The following TNN variants were observed in gnomAD, a reference collection of about 807,000 sequenced individuals.
TNN encodes the protein tenascin-N.
A neutral mutation model predicts 134.4 loss-of-function variants in TNN; 122 were observed. The ratio of observed to expected loss-of-function variants is 0.91; its 90% CI spans 0.78 to 1.06. The LOEUF (loss-of-function observed/expected upper bound fraction) is 1.06, where lower values mean the gene tolerates loss of function less well. Among genes scored for constraint, TNN ranks in the 50% least tolerant of loss-of-function variants. The pLI, the probability that TNN is intolerant of heterozygous loss-of-function variation, is 0.00. For synonymous variants in TNN, 710 were observed against 670.3 expected (o/e 1.06, Z -0.91); for missense variants, 1,739 against 1,699.4 (o/e 1.02, Z -0.41).
At chr1:175,114,536 G>A (rs779429287) in intron 9 of TNN, among the ~76,000 whole-genome samples, 5 of 152,236 alleles carry the variant, frequency 3.3e-5, no homozygotes, top group Non-Finnish European at 5.9e-5. Context: ...GGTGCTCAAA[G>A]CAACTGTGGG....
intron 15 of TNN, among the ~76,000 whole-genome samples, chr1:175,131,089 T>A (rs1385630567): frequency 6.6e-6 from 1 of 152,188 alleles, no homozygotes; most frequent in East Asian, 1.9e-4. Context: ...TGACCCATGG[T>A]CTGTTTCTCT....
At chr1:175,087,105 A>G (rs1211046182) in intron 6 of TNN, among the ~76,000 whole-genome samples, 3 of 152,230 alleles carry the variant, frequency 2.0e-5, no homozygotes, top group Non-Finnish European at 2.9e-5. Context: ...CTGCAAACCA[A>G]AAAGTATCTG....
chr1:175,126,903 C>A, intron 12 of TNN, 52 bp from the exon 13 acceptor site: 1 of 1,552,392 alleles, frequency 6.4e-7, no homozygotes, highest in South Asian at 1.2e-5. Context: ...CAAAAATTAC[C>A]TTGCCTCAGT....
intron 7 of TNN, among the ~76,000 whole-genome samples, 182 bp from the exon 8 acceptor site, chr1:175,097,235 G>C (rs561778646): frequency 2.6e-5 from 4 of 152,316 alleles, no homozygotes; most frequent in Admixed American, 2.6e-4. Context: ...CTTATTAAAT[G>C]TTATTAGCTT....
chr1:175,093,881 C>A, intron 6 of TNN, 109 bp from the exon 7 acceptor site: 2 of 1,177,514 alleles, frequency 1.7e-6, no homozygotes, highest in Non-Finnish European at 2.4e-6. Context: ...CCTTGTATTG[C>A]ATAAACTATT....
chr1:175,110,325 T>C (rs1001562075), intron 9 of TNN, among the ~76,000 whole-genome samples: 2 of 152,258 alleles, frequency 1.3e-5, no homozygotes, highest in African/African-American at 4.8e-5. Flanking sequence ...AGGTTGTCTC[T>C]GCATTCTGTC....
chr1:175,119,338 G>T (rs1212489791), intron 11 of TNN, among the ~76,000 whole-genome samples: 1 of 152,248 alleles, frequency 6.6e-6, no homozygotes, highest in Non-Finnish European at 1.5e-5. Context: ...ACTGGTGGGA[G>T]TGTAGTAGTG....
chr1:175,099,458 G>A (rs1482896753), intron 9 of TNN, among the ~76,000 whole-genome samples: 1 of 151,278 alleles, frequency 6.6e-6, no homozygotes, highest in African/African-American at 2.4e-5. Flanking sequence ...TCAGTAAGGA[G>A]GAAAGGTGAG....
intron 7 of TNN, among the ~76,000 whole-genome samples, chr1:175,095,634 C>T (rs373022068): frequency 5.9e-5 from 9 of 152,276 alleles, no homozygotes; most frequent in East Asian, 3.9e-4. Flanking sequence ...AGTGCAATGG[C>T]GCAATCTGGG....
chr1:175,083,779 A>G lies in TNN; in HGVS notation c.1078A>G (p.Thr360Ala), dbSNP rs1674255472. Residue 360 changes from threonine to alanine, a missense_variant, in exon 5 of 19, where the codon ACA (threonine) becomes GCA (alanine). Physicochemically the swap from Thr to Ala is moderately conservative, Grantham distance 58. Coordinates refer to ENST00000239462, the MANE Select transcript of TNN (RefSeq NM_022093.2). ...TGCTGTGCTTGGCACTGCCTGGGTG[A>G]CAGATGAGACTGAGAACTCCCTTGA... Reference protein sequence around the residue: ...DLAVLGTAWVTDETENSLDVE... With the variant: ...DLAVLGTAWVADETENSLDVE... 6.2e-7 allele frequency: 1 copy of G among 1,614,168 alleles called. No homozygotes were observed. The highest frequency in any genetic ancestry group is 2.2e-5 in the East Asian group (1 of 44,884).
intron 1 of TNN, among the ~76,000 whole-genome samples, chr1:175,071,409 C>A (rs1029641577): frequency 6.6e-6 from 1 of 152,184 alleles, no homozygotes; most frequent in Non-Finnish European, 1.5e-5. Flanking sequence ...TCTGCCCCTG[C>A]AGACAGAAGT....
chr1:175,121,463 G>A (rs1675374771), intron 11 of TNN, among the ~76,000 whole-genome samples: 1 of 152,202 alleles, frequency 6.6e-6, no homozygotes, highest in Non-Finnish European at 1.5e-5. Flanking sequence ...GGTACTTAGA[G>A]GACAAAATGG....
intron 13 of TNN, among the ~76,000 whole-genome samples, chr1:175,127,587 C>G (rs1019210083): frequency 6.6e-5 from 10 of 152,232 alleles, no homozygotes; most frequent in Non-Finnish European, 8.8e-5. Flanking sequence ...GGAAGTAAGA[C>G]TGGTTCAGAA....
chr1:175,088,440 C>T (rs1471376057), intron 6 of TNN, among the ~76,000 whole-genome samples: 1 of 152,202 alleles, frequency 6.6e-6, no homozygotes, highest in Admixed American at 6.5e-5. Context: ...ACCTCCCCTC[C>T]TTCTTGCCCA....
At chr1:175,103,603 C>T (rs1194191593) in intron 9 of TNN, among the ~76,000 whole-genome samples, 1 of 145,078 alleles carries the variant, frequency 6.9e-6, no homozygotes, top group Non-Finnish European at 1.5e-5. Flanking sequence ...CTCTCTTTCT[C>T]TCTTCGACTT....
chr1:175,127,904 C>G, intron 13 of TNN, 128 bp from the exon 14 acceptor site: 1 of 1,157,576 alleles, frequency 8.6e-7, no homozygotes, highest in Non-Finnish European at 1.3e-6. Flanking sequence ...ACTGAGGCTT[C>G]GGAGAGACAA....
At chr1:175,084,739 C>T (rs1674285034) in intron 5 of TNN, among the ~76,000 whole-genome samples, 2 of 152,182 alleles carry the variant, frequency 1.3e-5, no homozygotes, top group Non-Finnish European at 2.9e-5. Flanking sequence ...GTGCCTCACA[C>T]AAGCTTCTGT....
chr1:175,090,151 G>C (rs1674407940), intron 6 of TNN, among the ~76,000 whole-genome samples: 1 of 152,166 alleles, frequency 6.6e-6, no homozygotes, highest in African/African-American at 2.4e-5. Flanking sequence ...AGAACACTGA[G>C]GCCTACAAAG....
rs374794162 is a variant in TNN, at chr1:175,074,943, C to G, written c.-35-2441C>G. ...CTCTGCCACTTCGTTGTTGGGCAAC[C>G]CTGGCAAATGACTTTACCTCTCAGA... On this transcript the variant is annotated intron_variant, in intron 1 of 18. Transcript: ENST00000239462. 2.5e-3 allele frequency among the ~76,000 whole-genome samples: 375 copies of G among 152,322 alleles called. 4 individuals carry two copies. The highest frequency in any genetic ancestry group is 8.7e-3 in the African/African-American group (361 of 41,570).
Sources: allele counts gnomAD v4.1 joint callset (sites outside exome capture counted in the v4.1 genomes callset), GRCh38; gene constraint gnomAD v4.1.1; transcripts MANE v1.5; gene names NCBI Gene and HGNC (gene_info 2026-07-23, HGNC 2026-07-21).